Variants in SLC30A9 observed in about 807,000 individuals in gnomAD.
SLC30A9 encodes proton-coupled zinc antiporter SLC30A9, mitochondrial.
In SLC30A9, 58 loss-of-function variants were observed where a neutral mutation model predicts 87.5. That is an observed-to-expected ratio of 0.66 (90% CI 0.54 to 0.82). The LOEUF is 0.82. Ranked by LOEUF, SLC30A9 falls within the 40% of genes least tolerant of loss-of-function variation. The probability of loss-of-function intolerance (pLI) is 0.00; values close to 1 mark genes in which losing one functional copy is unlikely to be tolerated. For synonymous variants in SLC30A9, 234 were observed against 233.0 expected (o/e 1.00, Z -0.04); for missense variants, 557 against 679.1 (o/e 0.82, Z 2.00).
intron 5 of SLC30A9, 106 bp downstream of exon 5, chr4:42,023,036 T>C (rs1716040615): frequency 1.6e-6 from 1 of 613,906 alleles, no homozygotes; most frequent in African/African-American, 1.8e-5. Flanking sequence ...TTAAAAACAA[T>C]ATTTTTGTAT....
chr4:42,029,709 A>T, intron 6 of SLC30A9: 1 of 743,746 alleles, frequency 1.3e-6, no homozygotes, highest in East Asian at 2.5e-5. Context: ...AAATGACAAA[A>T]CTTACAGCTA....
At chr4:42,035,065 G>A (rs2153137018) in intron 6 of SLC30A9, among the ~76,000 whole-genome samples, 1 of 152,098 alleles carries the variant, frequency 6.6e-6, no homozygotes, top group African/African-American at 2.4e-5. Flanking sequence ...ATGCTTGTTG[G>A]TGGTTTCTAT....
intron 8 of SLC30A9, among the ~76,000 whole-genome samples, chr4:42,042,460 G>T (rs960722546): frequency 1.3e-5 from 2 of 152,176 alleles, no homozygotes; most frequent in African/African-American, 2.4e-5. Context: ...CCATCAGGAA[G>T]TTCGAACTGG....
In SLC30A9 at chr4:42,018,099, T is replaced by C; in HGVS notation, c.275-12T>C. 1 of 1,477,358 alleles carries C rather than the reference T, an allele frequency of 6.8e-7. No homozygotes were observed. The highest frequency in any genetic ancestry group is 9.4e-7 in the Non-Finnish European group (1 of 1,066,108). The allele number at this position is 1,477,358 out of a possible 1,614,324, so 91.5% of individuals were successfully genotyped here. A position where few individuals can be genotyped will look rare whatever the true frequency, so the allele number is the denominator to read the frequency against. On this transcript the variant is annotated splice_polypyrimidine_tract_variant and intron_variant, in intron 2 of 17. Coordinates refer to ENST00000264451, the MANE Select transcript of SLC30A9 (RefSeq NM_006345.4). Reference sequence around the variant, plus strand: ...GTTGTTTAATGTAAACTTCTTTTAATAAACTTTACAGCAGAAGGTATAGGC... The same window carrying C: ...GTTGTTTAATGTAAACTTCTTTTAACAAACTTTACAGCAGAAGGTATAGGC...
At position 42,089,557 on chromosome 4, in the gene SLC30A9, ACAGGCATGCGCCAC is replaced by A. The variant is rs1405761471; in HGVS notation, c.*3434_*3447del. 6.6e-6 allele frequency: 1 copy of A among 152,282 alleles called. No homozygotes were observed. The highest frequency in any genetic ancestry group is 1.5e-5 in the Non-Finnish European group (1 of 68,152). The allele number at this position is 152,282 out of a possible 1,614,324, so 9.4% of individuals were successfully genotyped here. A position where few individuals can be genotyped will look rare whatever the true frequency, so the allele number is the denominator to read the frequency against. ...TCCTGCCTCCTGAGTAGCTGGGATT[ACAGGCATGCGCCAC>A]CACACCCGGCTAATTTTGTATTTCT... On this transcript the variant is annotated 3_prime_UTR_variant, in exon 18 of 18. Coordinates refer to ENST00000264451, the MANE Select transcript of SLC30A9 (RefSeq NM_006345.4).
chr4:42,049,649 A>C (rs1216453706), intron 9 of SLC30A9, among the ~76,000 whole-genome samples, 170 bp downstream of exon 9: 1 of 152,214 alleles, frequency 6.6e-6, no homozygotes, highest in Non-Finnish European at 1.5e-5. Flanking sequence ...ATAGTATTTT[A>C]AAGCAGATTG....
At chr4:42,053,182 T>TA (rs1717454212) in intron 9 of SLC30A9, among the ~76,000 whole-genome samples, 1 of 152,210 alleles carries the variant, frequency 6.6e-6, no homozygotes, top group Non-Finnish European at 1.5e-5. Flanking sequence ...ATATCCACTA[T>TA]AATGGCTACA....
intron 2 of SLC30A9, among the ~76,000 whole-genome samples, chr4:42,013,636 A>C (rs1050207691): frequency 6.6e-5 from 10 of 152,214 alleles, no homozygotes; most frequent in African/African-American, 2.4e-4. Flanking sequence ...AAAAACATAC[A>C]TTGGGGAAAG....
intron 15 of SLC30A9, among the ~76,000 whole-genome samples, chr4:42,071,577 C>A (rs774172756): frequency 6.6e-6 from 1 of 151,302 alleles, no homozygotes; most frequent in Non-Finnish European, 1.5e-5. Context: ...GCAGGAGGAT[C>A]ACTTGAGGCC....
rs575589053 is a variant in SLC30A9 at position 41,997,574 on chromosome 4, A to T, written c.110-4042A>T. Among the ~76,000 whole-genome samples the T allele has an allele frequency of 1.4e-4, 20 of 140,658 alleles. No homozygotes were observed. In the East Asian group the frequency reaches 3.7e-3, roughly 26 times the overall value. 92.3% of individuals were successfully genotyped at this position (140,658 alleles called of 152,430 possible). Reference sequence around the variant, plus strand: ...ACTGTATAAGTCTTCCGCTTTTTTTATGCAACATTATAACATGAGTGTTTT... The same window carrying T: ...ACTGTATAAGTCTTCCGCTTTTTTTTTGCAACATTATAACATGAGTGTTTT... On this transcript the variant is annotated intron_variant, in intron 1 of 17. Transcript: ENST00000264451.
At position 42,087,701 on chromosome 4, in the gene SLC30A9, A is replaced by G. The variant is rs1300696052; in HGVS notation, c.*1575A>G. The G allele has an allele frequency of 6.6e-6, 1 of 151,194 alleles. No homozygotes were observed. The highest frequency in any genetic ancestry group is 2.4e-5 in the African/African-American group (1 of 41,244). The allele number at this position is 151,194 out of a possible 1,614,324, so 9.4% of individuals were successfully genotyped here. ...ATAGAAAATTGTTATATATATATAT[A>G]ATTTGATACTCTATTCTTACAGTTT... On this transcript the variant is annotated 3_prime_UTR_variant, in exon 18 of 18. Coordinates refer to ENST00000264451, the MANE Select transcript of SLC30A9 (RefSeq NM_006345.4).
Position 42,049,442 on chromosome 4 carries a change from C to T in SLC30A9, c.803C>T (p.Ser268Leu). 1.2e-6 allele frequency: 2 copies of T among 1,610,840 alleles called. No homozygotes were observed. The highest frequency in any genetic ancestry group is 1.7e-6 in the Non-Finnish European group (2 of 1,177,928). ...TATACCGGTTCAGCAAGTATGTTCT[C>T]AGAAGCTATACACTCATTATCTGAT... ...WIYTGSASMFSEAIHSLSDTC... is the reference protein window; with the variant it reads ...WIYTGSASMFLEAIHSLSDTC... Residue 268 changes from serine (S) to leucine (L), a missense_variant, in exon 9 of 18, where the codon TCA (serine) becomes TTA (leucine). Physicochemically the swap from Ser to Leu is moderately radical, Grantham distance 145. Coordinates refer to ENST00000264451, the MANE Select transcript of SLC30A9 (RefSeq NM_006345.4).
At chr4:42,014,350 C>T (rs1240585578) in intron 2 of SLC30A9, among the ~76,000 whole-genome samples, 1 of 152,244 alleles carries the variant, frequency 6.6e-6, no homozygotes, top group Non-Finnish European at 1.5e-5. Flanking sequence ...AAAAATAGAA[C>T]TACCAGCAAT....
intron 17 of SLC30A9, among the ~76,000 whole-genome samples, chr4:42,083,929 G>T (rs10805098): frequency 0.65 from 99,307 of 152,038 alleles, 36,919 homozygotes; most frequent in East Asian, 0.96. Context: ...GCACACCTGA[G>T]CGACACTAGT....
chr4:42,019,023 A>T (rs1339682250), intron 3 of SLC30A9, among the ~76,000 whole-genome samples: 2 of 150,786 alleles, frequency 1.3e-5, no homozygotes, highest in African/African-American at 4.9e-5. Context: ...TTTTTTTCAG[A>T]TAAGGTTTTG....
At chr4:42,064,449 A>G (rs1331822740) in intron 11 of SLC30A9, among the ~76,000 whole-genome samples, 6 of 152,254 alleles carry the variant, frequency 3.9e-5, no homozygotes, top group Non-Finnish European at 7.3e-5. Context: ...CAAGCACATT[A>G]AACTAGGCTT....
chr4:42,006,997 G>A (rs920962469), intron 2 of SLC30A9, among the ~76,000 whole-genome samples: 5 of 152,126 alleles, frequency 3.3e-5, no homozygotes, highest in Non-Finnish European at 7.4e-5. Context: ...GGGAATAACA[G>A]AGTATTATTA....
chr4:42,028,163 G>C (rs147638299), intron 6 of SLC30A9, among the ~76,000 whole-genome samples: 3,602 of 152,258 alleles, frequency 0.024, 151 homozygotes, highest in African/African-American at 0.082. Context: ...CTGTCACCAG[G>C]CTGGAGTGCA....
chr4:42,066,419 CAT>C (rs1463672758), intron 12 of SLC30A9, 129 bp from the exon 13 acceptor site: 1 of 525,756 alleles, frequency 1.9e-6, no homozygotes, highest in African/African-American at 1.9e-5. Flanking sequence ...AACTAATTAA[CAT>C]AGAACTTGTC....
Sources: gnomAD v4.1 joint callset for allele counts (sites outside exome capture counted in the v4.1 genomes callset) on GRCh38, gnomAD v4.1.1 for gene constraint, MANE v1.5 for transcripts, NCBI Gene and HGNC (gene_info 2026-07-23, HGNC 2026-07-21) for gene names.